The following NRG3 variants were observed in gnomAD, a reference collection of about 807,000 sequenced individuals.
NRG3 encodes pro-neuregulin-3, membrane-bound isoform.
In NRG3, 31 loss-of-function variants were observed where a neutral mutation model predicts 66.9. The ratio of observed to expected loss-of-function variants is 0.46; its 90% CI spans 0.35 to 0.63. NRG3 has a LOEUF of 0.63. Among genes scored for constraint, NRG3 ranks in the 20% least tolerant of loss-of-function variants. The probability of loss-of-function intolerance (pLI) is 0.00; values close to 1 mark genes in which losing one functional copy is unlikely to be tolerated. For missense variants in NRG3, 910 were observed against 878.9 expected, an observed-to-expected ratio of 1.04 and a Z score of -0.45; for synonymous variants, 393 against 359.4, an observed-to-expected ratio of 1.09 and a Z score of -1.06.
intron 1 of NRG3, among the ~76,000 whole-genome samples, chr10:81,974,962 G>T (rs1302795821): frequency 6.6e-6 from 1 of 152,040 alleles, no homozygotes; most frequent in Non-Finnish European, 1.5e-5. Flanking sequence ...ACTAAAACAA[G>T]GCAGAGTAAG....
chr10:82,027,765 G>T (rs1472606717), intron 1 of NRG3, among the ~76,000 whole-genome samples: 1 of 152,080 alleles, frequency 6.6e-6, no homozygotes, highest in East Asian at 1.9e-4. Flanking sequence ...TCTCTCTTCA[G>T]TGTGGGATTC....
At chr10:82,656,789 A>C (rs1309330667) in intron 2 of NRG3, among the ~76,000 whole-genome samples, 1 of 152,154 alleles carries the variant, frequency 6.6e-6, no homozygotes, top group Non-Finnish European at 1.5e-5. Flanking sequence ...CTTATCTGTC[A>C]CATCATGCCT....
At chr10:82,765,582 A>C (rs2059484110) in intron 3 of NRG3, among the ~76,000 whole-genome samples, 1 of 152,164 alleles carries the variant, frequency 6.6e-6, no homozygotes, top group Non-Finnish European at 1.5e-5. Flanking sequence ...CAAATACCAA[A>C]GGTAGGAATA....
At chr10:81,943,376 T>C (rs1254209696) in intron 1 of NRG3, among the ~76,000 whole-genome samples, 2 of 152,138 alleles carry the variant, frequency 1.3e-5, no homozygotes, top group Non-Finnish European at 2.9e-5. Flanking sequence ...TAAAAAATAA[T>C]AATAATTTGA....
intron 3 of NRG3, among the ~76,000 whole-genome samples, chr10:82,778,385 G>A (rs367594755): frequency 5.0e-4 from 76 of 152,270 alleles, no homozygotes; most frequent in African/African-American, 1.7e-3. Context: ...TTGCTGGGGA[G>A]GCCTCAGGAA....
intron 1 of NRG3, among the ~76,000 whole-genome samples, chr10:82,058,704 A>G (rs897665594): frequency 1.3e-5 from 2 of 151,916 alleles, no homozygotes; most frequent in Admixed American, 1.3e-4. Flanking sequence ...GTTTTTTCCT[A>G]AGGAAACATG....
intron 1 of NRG3, among the ~76,000 whole-genome samples, chr10:81,892,220 TTGTG>T (rs929489417): frequency 1.3e-5 from 2 of 152,058 alleles, no homozygotes; most frequent in Non-Finnish European, 2.9e-5. Context: ...GTGTGTCTCT[TTGTG>T]TGTGTATGTC....
intron 2 of NRG3, among the ~76,000 whole-genome samples, chr10:82,525,469 T>C (rs1846608083): frequency 6.6e-6 from 1 of 151,086 alleles, no homozygotes; most frequent in Non-Finnish European, 1.5e-5. Flanking sequence ...TTCAAACCCA[T>C]ATTGACATCA....
At chr10:82,746,922 A>C (rs1234427103) in intron 3 of NRG3, among the ~76,000 whole-genome samples, 1 of 152,062 alleles carries the variant, frequency 6.6e-6, no homozygotes, top group Non-Finnish European at 1.5e-5. Flanking sequence ...CTAGACAAAA[A>C]AATAAAATAA....
chr10:82,326,452 T>A (rs1223368466), intron 1 of NRG3, among the ~76,000 whole-genome samples: 1 of 151,658 alleles, frequency 6.6e-6, no homozygotes, highest in African/African-American at 2.4e-5. Flanking sequence ...ATAATTTTCA[T>A]GATTTTTTTT....
chr10:81,939,863 C>T (rs1263884725), intron 1 of NRG3, among the ~76,000 whole-genome samples: 1 of 151,504 alleles, frequency 6.6e-6, no homozygotes, highest in Non-Finnish European at 1.5e-5. Context: ...TGTATAAAGT[C>T]ATGTTGTTGA....
intron 2 of NRG3, among the ~76,000 whole-genome samples, chr10:82,441,194 C>T (rs189471123): frequency 4.6e-5 from 7 of 152,238 alleles, no homozygotes; most frequent in African/African-American, 1.4e-4. Flanking sequence ...CAGGTCCACA[C>T]GAAGAATACC....
At chr10:82,683,513 A>G (rs2134141062) in intron 2 of NRG3, among the ~76,000 whole-genome samples, 1 of 152,332 alleles carries the variant, frequency 6.6e-6, no homozygotes, top group South Asian at 2.1e-4. Flanking sequence ...TTATATGTAT[A>G]TATGTTTATC....
intron 6 of NRG3, among the ~76,000 whole-genome samples, chr10:82,962,099 G>A (rs1309976580): frequency 2.6e-5 from 4 of 152,292 alleles, no homozygotes; most frequent in Non-Finnish European, 5.9e-5. Flanking sequence ...GTCAAGTGAA[G>A]CAACATGATA....
intron 3 of NRG3, among the ~76,000 whole-genome samples, chr10:82,836,235 A>G (rs2135713442): frequency 6.6e-6 from 1 of 152,280 alleles, no homozygotes; most frequent in Non-Finnish European, 1.5e-5. Context: ...CCCATAGCCT[A>G]AAATATTTAC....
chr10:82,752,643 A>G (rs376796983), intron 3 of NRG3, among the ~76,000 whole-genome samples: 6 of 152,164 alleles, frequency 3.9e-5, no homozygotes, highest in Non-Finnish European at 5.9e-5. Context: ...CCAAAAATTC[A>G]TATGTTGAAA....
rs1299179895 is a variant in NRG3, at chr10:82,986,085, T to C, written c.*480T>C. ...TCACAGGTTATGTCATGTCGACACA[T>C]GTAGTGTTTTCTATTTGATTTTTGG... On this transcript the variant is annotated 3_prime_UTR_variant, in exon 9 of 9. Coordinates refer to ENST00000372141, the MANE Select transcript of NRG3 (RefSeq NM_001010848.4). 6.5e-6 allele frequency: 1 copy of C among 154,562 alleles called. No homozygotes were observed. Among genetic ancestry groups the C allele is most frequent in the African/African-American group, 2.4e-5 (1 of 41,458 alleles). The allele number at this position is 154,562 out of a possible 1,614,324, so 9.6% of individuals were successfully genotyped here.
chr10:82,963,731 C>T (rs1056246499), intron 6 of NRG3, among the ~76,000 whole-genome samples: 4 of 152,186 alleles, frequency 2.6e-5, no homozygotes, highest in African/African-American at 4.8e-5. Flanking sequence ...TATTGCTTGG[C>T]TTATCCATGG....
At chr10:82,185,532 A>G (rs2073749885) in intron 1 of NRG3, among the ~76,000 whole-genome samples, 1 of 152,218 alleles carries the variant, frequency 6.6e-6, no homozygotes, top group Middle Eastern at 3.2e-3. Flanking sequence ...TCAGTTTTTC[A>G]AAATAAAATG....
Sources: allele counts gnomAD v4.1 joint callset (sites outside exome capture counted in the v4.1 genomes callset), GRCh38; gene constraint gnomAD v4.1.1; transcripts MANE v1.5; gene names NCBI Gene and HGNC (gene_info 2026-07-23, HGNC 2026-07-21).